ILDR2: variants seen among roughly 807,000 people sequenced by gnomAD.
ILDR2 encodes immunoglobulin-like domain-containing receptor 2.
ILDR2 carries 25 observed loss-of-function variants against 66.8 expected under a neutral mutation model. That is an observed-to-expected ratio of 0.37 (90% CI 0.27 to 0.52). The LOEUF is 0.52. Among genes scored for constraint, ILDR2 ranks in the 20% least tolerant of loss-of-function variants. The pLI, the probability that ILDR2 is intolerant of heterozygous loss-of-function variation, is 0.88. For missense variants in ILDR2, 827 were observed against 876.8 expected (o/e 0.94, Z 0.72); for synonymous variants, 367 against 357.2 (o/e 1.03, Z -0.31).
intron 9 of ILDR2, 82 bp from the exon 10 acceptor site, chr1:166,919,472 G>A: frequency 7.4e-7 from 1 of 1,351,936 alleles, no homozygotes; most frequent in Non-Finnish European, 1.0e-6. Flanking sequence ...TCTCTGGGCA[G>A]AGTCCACAAC....
At chr1:166,908,056 T>C (rs1659381020), downstream of ILDR2, 3 of 152,364 alleles carry the variant, frequency 2.0e-5, no homozygotes, top group South Asian at 4.1e-4. Flanking sequence ...CTGGGAAATG[T>C]GGCATGATGA....
At chr1:166,953,561 GT>G (rs1188285415) in intron 3 of ILDR2, among the ~76,000 whole-genome samples, 1 of 152,110 alleles carries the variant, frequency 6.6e-6, no homozygotes, top group Admixed American at 6.5e-5. Flanking sequence ...ACCATCAATA[GT>G]TTTTTTCTTC....
intron 6 of ILDR2, chr1:166,933,511 T>G: frequency 1.0e-6 from 1 of 974,334 alleles, no homozygotes; most frequent in Non-Finnish European, 1.2e-6. Context: ...CATTTCTATT[T>G]TAATGCCACT....
At chr1:166,966,944 T>C (rs760661794) in intron 1 of ILDR2, among the ~76,000 whole-genome samples, 1 of 152,362 alleles carries the variant, frequency 6.6e-6, no homozygotes. Context: ...GAATCAAATA[T>C]ACAACTTCAC....
rs1557921412 is a variant in ILDR2 at position 166,909,784 on chromosome 1, TA to T, written c.*9570del. On this transcript the variant is annotated 3_prime_UTR_variant, in exon 10 of 10. Coordinates refer to ENST00000271417, the MANE Select transcript of ILDR2 (RefSeq NM_199351.3). ...AAATATATATAAATATATATATTTA[TA>T]TATATATATATATATATATATCCTT... is the stretch of plus-strand genomic sequence containing the variant. The T allele has an allele frequency of 2.9e-4, 24 of 82,216 alleles. No individual in the cohort carries two copies. Among genetic ancestry groups the T allele is most frequent in the Admixed American group, 8.1e-4 (5 of 6,186 alleles). 5.1% of individuals were successfully genotyped at this position (82,216 alleles called of 1,614,324 possible).
chr1:166,901,840 A>G (rs1254171635), intron 2 of ILDR2, among the ~76,000 whole-genome samples: 1 of 152,196 alleles, frequency 6.6e-6, no homozygotes, highest in Non-Finnish European at 1.5e-5. Context: ...TCCATGCAGC[A>G]GTTTTGTCGT....
At chr1:166,923,147 A>C (rs572217079) in intron 7 of ILDR2, among the ~76,000 whole-genome samples, 1 of 152,272 alleles carries the variant, frequency 6.6e-6, no homozygotes, top group South Asian at 2.1e-4. Flanking sequence ...TCCTTGTTCA[A>C]ATGTTTTCTT....
chr1:166,966,967 T>C (rs997846308), intron 1 of ILDR2, among the ~76,000 whole-genome samples: 10 of 152,242 alleles, frequency 6.6e-5, no homozygotes, highest in African/African-American at 2.4e-4. Context: ...TCTATCAGGA[T>C]GTTATGCAAG....
intron 2 of ILDR2, among the ~76,000 whole-genome samples, chr1:166,899,271 T>C (rs890291248): frequency 6.6e-6 from 1 of 151,682 alleles, no homozygotes; most frequent in Non-Finnish European, 1.5e-5. Context: ...TGGGCACCTG[T>C]AGTCCCAGCT....
intron 1 of ILDR2, among the ~76,000 whole-genome samples, chr1:166,960,061 A>G (rs1662517724): frequency 6.6e-6 from 1 of 152,132 alleles, no homozygotes; most frequent in Non-Finnish European, 1.5e-5. Flanking sequence ...TTACTGAAGG[A>G]CCCTTGACAA....
intron 9 of ILDR2, 92 bp from the exon 10 acceptor site, chr1:166,919,482 C>T (rs1659772654): frequency 8.4e-7 from 1 of 1,183,456 alleles, no homozygotes; most frequent in Non-Finnish European, 1.2e-6. Flanking sequence ...GAGTCCACAA[C>T]CCGTTCAGTG....
At chr1:166,907,780 A>G (rs1659375413), downstream of ILDR2, among the ~76,000 whole-genome samples, 1 of 152,212 alleles carries the variant, frequency 6.6e-6, no homozygotes, top group African/African-American at 2.4e-5. Context: ...TTCCATGACC[A>G]ATGCTGTACA....
intron 3 of ILDR2, among the ~76,000 whole-genome samples, chr1:166,949,532 C>G (rs1405674484): frequency 6.6e-6 from 1 of 152,184 alleles, no homozygotes; most frequent in African/African-American, 2.4e-5. Context: ...TGAAGCAAAA[C>G]TGACTCCACT....
intron 2 of ILDR2, among the ~76,000 whole-genome samples, chr1:166,899,277 C>A (rs1659222448): frequency 6.6e-6 from 1 of 151,454 alleles, no homozygotes; most frequent in South Asian, 2.1e-4. Context: ...CCTGTAGTCC[C>A]AGCTACTTGG....
rs1029638252 is a variant in ILDR2, at chr1:166,911,790, A to T, written c.*7565T>A. 1.3e-5 allele frequency: 2 copies of T among 152,122 alleles called. No homozygotes were observed. Among genetic ancestry groups the T allele is most frequent in the Non-Finnish European group, 2.9e-5 (2 of 67,996 alleles). The allele number at this position is 152,122 out of a possible 1,614,324, so 9.4% of individuals were successfully genotyped here. ...TAAAGGAGATTAGAGCTAGCTGAAAAGAAAATTAGTGAGCTGGAAGATAAA... is the reference window on the plus strand; with the variant it reads ...TAAAGGAGATTAGAGCTAGCTGAAATGAAAATTAGTGAGCTGGAAGATAAA... On this transcript the variant is annotated 3_prime_UTR_variant, in exon 10 of 10. Coordinates refer to ENST00000271417, the MANE Select transcript of ILDR2 (RefSeq NM_199351.3).
chr1:166,935,588 GCA>G, intron 5 of ILDR2, 111 bp from the exon 6 acceptor site: 2 of 904,922 alleles, frequency 2.2e-6, no homozygotes, highest in Non-Finnish European at 1.6e-6. Flanking sequence ...GTGTGTATGT[GCA>G]TGTGTGAGCG....
rs527746395 is a variant in ILDR2 at position 166,929,859 on chromosome 1, G to A, written c.881-2679C>T. Among the ~76,000 whole-genome samples, 8 of 152,276 alleles carry A rather than the reference G, an allele frequency of 5.3e-5. No homozygotes were observed. The East Asian group carries it at 7.7e-4, about 15-fold the overall frequency. On this transcript the variant is annotated intron_variant, in intron 6 of 9. Coordinates refer to ENST00000271417, the MANE Select transcript of ILDR2 (RefSeq NM_199351.3). Reference sequence around the variant, plus strand: ...GATCAGGAAGGGAAAGGCTTGGATCGTAGAAAAGTCTGGGTATCATGATTA... The same window carrying A: ...GATCAGGAAGGGAAAGGCTTGGATCATAGAAAAGTCTGGGTATCATGATTA...
chr1:166,937,967 A>T (rs1025682577), intron 4 of ILDR2, among the ~76,000 whole-genome samples: 7 of 152,238 alleles, frequency 4.6e-5, no homozygotes, highest in Non-Finnish European at 1.0e-4. Flanking sequence ...AATAATGGTT[A>T]ACAAAATGAC....
chr1:166,960,585 A>G (rs1662552457), intron 1 of ILDR2, among the ~76,000 whole-genome samples: 1 of 152,150 alleles, frequency 6.6e-6, no homozygotes, highest in Non-Finnish European at 1.5e-5. Flanking sequence ...ACCGGTAAAG[A>G]GTAGGTCTCA....
Sources: allele counts gnomAD v4.1 joint callset (sites outside exome capture counted in the v4.1 genomes callset), GRCh38; gene constraint gnomAD v4.1.1; transcripts MANE v1.5; gene names NCBI Gene and HGNC (gene_info 2026-07-23, HGNC 2026-07-21).